GRIP1: variants seen among roughly 807,000 people sequenced by gnomAD.
GRIP1 encodes glutamate receptor-interacting protein 1.
Under a neutral mutation model 129.9 loss-of-function variants are expected in GRIP1, and 45 were observed. The observed-to-expected ratio is 0.35, with a 90% CI of 0.27 to 0.44. The LOEUF (loss-of-function observed/expected upper bound fraction) is 0.44. GRIP1 is among the 20% of genes least tolerant of loss of function. The pLI, the probability that GRIP1 is intolerant of heterozygous loss-of-function variation, is 1.00. For synonymous variants in GRIP1, 530 were observed against 520.8 expected (o/e 1.02, Z -0.24); for missense variants, 1,196 against 1,396.8 (o/e 0.86, Z 2.29).
At chr12:66,872,872 G>A (rs1440868470) in intron 1 of GRIP1, among the ~76,000 whole-genome samples, 1 of 151,956 alleles carries the variant, frequency 6.6e-6, no homozygotes, top group Non-Finnish European at 1.5e-5. Context: ...AGACACAGTG[G>A]GTCAGGAAAT....
At chr12:66,685,027 C>T (rs1018171050) in intron 1 of GRIP1, among the ~76,000 whole-genome samples, 3 of 152,120 alleles carry the variant, frequency 2.0e-5, no homozygotes, top group African/African-American at 7.2e-5. Context: ...ACTACATCAT[C>T]ACCCTCTTTC....
At chr12:66,574,261 C>T (rs934053961) in intron 2 of GRIP1, among the ~76,000 whole-genome samples, 6 of 152,112 alleles carry the variant, frequency 3.9e-5, no homozygotes, top group Non-Finnish European at 7.4e-5. Flanking sequence ...GTCATTATAG[C>T]GGTTTTAAAA....
intron 1 of GRIP1, among the ~76,000 whole-genome samples, chr12:66,840,599 A>G (rs1187946174): frequency 6.6e-6 from 1 of 152,152 alleles, no homozygotes; most frequent in Non-Finnish European, 1.5e-5. Context: ...TCACCTTATA[A>G]AGTGAATTCA....
intron 14 of GRIP1, among the ~76,000 whole-genome samples, chr12:66,429,678 A>G (rs767847195): frequency 6.6e-6 from 1 of 152,186 alleles, no homozygotes; most frequent in Non-Finnish European, 1.5e-5. Flanking sequence ...CCTGGGTGAC[A>G]GAGTGAGATC....
intron 1 of GRIP1, among the ~76,000 whole-genome samples, chr12:66,734,047 C>G (rs766289694): frequency 5.3e-5 from 8 of 152,120 alleles, no homozygotes; most frequent in Non-Finnish European, 7.3e-5. Context: ...GGGGCCCACA[C>G]AGCAAAAGCA....
chr12:66,519,910 T>C (rs2060951372), intron 5 of GRIP1, among the ~76,000 whole-genome samples: 1 of 152,234 alleles, frequency 6.6e-6, no homozygotes, highest in Non-Finnish European at 1.5e-5. Flanking sequence ...TCAGTCCAAC[T>C]CATCTCTTCT....
chr12:66,860,048 T>C (rs1210345054), intron 1 of GRIP1, among the ~76,000 whole-genome samples: 1 of 152,110 alleles, frequency 6.6e-6, no homozygotes, highest in Non-Finnish European at 1.5e-5. Context: ...GGAAGTCACC[T>C]TAAGTGCTTA....
chr12:66,533,901 TCTC>T (rs2061534578), intron 4 of GRIP1, among the ~76,000 whole-genome samples: 1 of 151,680 alleles, frequency 6.6e-6, no homozygotes, highest in African/African-American at 2.4e-5. Flanking sequence ...TCTCTCTCTC[TCTC>T]TTTTCTGATT....
intron 2 of GRIP1, among the ~76,000 whole-genome samples, chr12:66,554,635 A>T (rs1382170781): frequency 6.6e-6 from 1 of 152,050 alleles, no homozygotes; most frequent in Admixed American, 6.6e-5. Flanking sequence ...GCATTTATGG[A>T]CCTGCTTTGG....
upstream of GRIP1, among the ~76,000 whole-genome samples, chr12:66,804,475 T>C (rs1273478430): frequency 6.6e-6 from 1 of 151,328 alleles, no homozygotes; most frequent in Non-Finnish European, 1.5e-5. Flanking sequence ...AATGAAATGG[T>C]AATAAAAGAC....
intron 1 of GRIP1, among the ~76,000 whole-genome samples, chr12:66,936,680 T>C (rs1334825264): frequency 1.3e-5 from 2 of 152,212 alleles, no homozygotes; most frequent in Non-Finnish European, 2.9e-5. Flanking sequence ...AGCTTGTGAC[T>C]GGCATCTGTA....
chr12:66,738,202 T>C (rs913848564), intron 1 of GRIP1, among the ~76,000 whole-genome samples: 7 of 151,536 alleles, frequency 4.6e-5, no homozygotes, highest in Non-Finnish European at 7.4e-5. Flanking sequence ...AGTGATGTCA[T>C]AGATTTCTCT....
At chr12:66,895,519 T>C (rs192608826) in intron 1 of GRIP1, among the ~76,000 whole-genome samples, 93 of 152,288 alleles carry the variant, frequency 6.1e-4, no homozygotes, top group African/African-American at 2.2e-3. Context: ...TGCACCCTTA[T>C]AGTAGTCAAC....
chr12:66,568,679 T>C (rs759797461), intron 2 of GRIP1: 6 of 228,830 alleles, frequency 2.6e-5, no homozygotes, highest in Non-Finnish European at 5.3e-5. Context: ...TTCATCAGCA[T>C]TGTAGAATTC....
chr12:66,515,800 T>C, intron 6 of GRIP1, 36 bp from the exon 7 acceptor site: 1 of 1,587,274 alleles, frequency 6.3e-7, no homozygotes, highest in Non-Finnish European at 8.7e-7. Flanking sequence ...TTGATTAATT[T>C]AGCATAATGG....
intron 6 of GRIP1, among the ~76,000 whole-genome samples, chr12:66,517,141 C>T (rs2060868445): frequency 6.6e-6 from 1 of 152,110 alleles, no homozygotes; most frequent in Non-Finnish European, 1.5e-5. Flanking sequence ...GGAATCAGTG[C>T]ATTTTCCTCC....
At chr12:66,538,778 T>C (rs993980603) in intron 4 of GRIP1, among the ~76,000 whole-genome samples, 1 of 151,534 alleles carries the variant, frequency 6.6e-6, no homozygotes, top group Non-Finnish European at 1.5e-5. Context: ...AATTTTTCTA[T>C]TTTTTGTAGA....
At chr12:67,059,555 T>C (rs895284331) in intron 1 of GRIP1, among the ~76,000 whole-genome samples, 3 of 152,198 alleles carry the variant, frequency 2.0e-5, no homozygotes, top group African/African-American at 7.2e-5. Context: ...CTTGAGAAAT[T>C]AGAGAACCCA....
At chr12:66,445,802 C>G (rs1163230945) in intron 11 of GRIP1, among the ~76,000 whole-genome samples, 1 of 152,080 alleles carries the variant, frequency 6.6e-6, no homozygotes, top group Admixed American at 6.5e-5. Context: ...GGGTTTTAGT[C>G]CTGGCTCTAT....
Sources: gnomAD v4.1 joint callset for allele counts (sites outside exome capture counted in the v4.1 genomes callset) on GRCh38, gnomAD v4.1.1 for gene constraint, MANE v1.5 for transcripts, NCBI Gene and HGNC (gene_info 2026-07-23, HGNC 2026-07-21) for gene names.